NIM1K: variants seen among roughly 807,000 people sequenced by gnomAD.
The protein encoded by NIM1K is NIM1 serine/threonine protein kinase, also known as serine/threonine-protein kinase NIM1.
NIM1K carries 35 observed loss-of-function variants against 37.1 expected under a neutral mutation model. The ratio of observed to expected loss-of-function variants is 0.94; its 90% CI spans 0.72 to 1.25. The LOEUF is 1.25. Among genes scored for constraint, NIM1K ranks in the 50% most tolerant of loss-of-function variants. NIM1K has a pLI of 0.00. For missense variants in NIM1K, 564 were observed against 548.0 expected (o/e 1.03, Z -0.29); for synonymous variants, 234 against 206.6 (o/e 1.13, Z -1.14).
In NIM1K at chr5:43,280,408, C is replaced by T. The variant is rs1753423069; in HGVS notation, c.990C>T (p.Tyr330=). The T allele has an allele frequency of 6.2e-7, 1 of 1,614,044 alleles. No individual in the cohort carries two copies. The highest frequency in any genetic ancestry group is 1.3e-5 in the African/African-American group (1 of 74,918). ...ATGAATGGATGCAAGGGGTGCCATA[C>T]CCTACACCTTTGGAACCTTTCCAAC... is the stretch of plus-strand genomic sequence containing the variant. ...MNDEWMQGVP[Y]PTPLEPFQLD... is the part of the protein sequence containing the mutation. The change falls in exon 4 of 4, where the codon TAC becomes TAT. Residue 330 remains tyrosine (Y), a synonymous_variant. Coordinates refer to ENST00000326035, the MANE Select transcript of NIM1K (RefSeq NM_153361.4).
intron 1 of NIM1K, among the ~76,000 whole-genome samples, chr5:43,241,654 A>T (rs1206362539): frequency 6.6e-6 from 1 of 151,930 alleles, no homozygotes; most frequent in Non-Finnish European, 1.5e-5. Flanking sequence ...TGGTATTTTT[A>T]AAATCAATTT....
chr5:43,204,321 T>G (rs1367700048), intron 1 of NIM1K, among the ~76,000 whole-genome samples: 3 of 150,664 alleles, frequency 2.0e-5, no homozygotes, highest in Non-Finnish European at 4.4e-5. Context: ...TGACCTCAAG[T>G]GATTCGCCCA....
At chr5:43,226,235 T>C (rs1180260252) in intron 1 of NIM1K, among the ~76,000 whole-genome samples, 1 of 152,204 alleles carries the variant, frequency 6.6e-6, no homozygotes, top group Non-Finnish European at 1.5e-5. Context: ...GGGTTTTGAG[T>C]AGAGAAGTGA....
In NIM1K at chr5:43,245,714, C is replaced by A; in HGVS notation, c.-62C>A. 6.7e-7 allele frequency: 1 copy of A among 1,486,568 alleles called. No individual in the cohort carries two copies. The highest frequency in any genetic ancestry group is 9.1e-7 in the Non-Finnish European group (1 of 1,103,392). 92.1% of individuals were successfully genotyped at this position (1,486,568 alleles called of 1,614,324 possible). On this transcript the variant is annotated 5_prime_UTR_variant, in exon 2 of 4. Coordinates refer to ENST00000326035, the MANE Select transcript of NIM1K (RefSeq NM_153361.4). Reference sequence around the variant, plus strand: ...CAGTTGGCATCTCCCACCCTCTGAGCCTCTTCTGCTCCTGCACAACCTGCC... The same window carrying A: ...CAGTTGGCATCTCCCACCCTCTGAGACTCTTCTGCTCCTGCACAACCTGCC...
chr5:43,276,138 C>T (rs889325337), intron 2 of NIM1K, among the ~76,000 whole-genome samples: 1 of 152,126 alleles, frequency 6.6e-6, no homozygotes, highest in Non-Finnish European at 1.5e-5. Context: ...CGTGATCCTC[C>T]CGCCTTGGCC....
At chr5:43,272,642 T>C (rs1753274564) in intron 2 of NIM1K, among the ~76,000 whole-genome samples, 1 of 152,228 alleles carries the variant, frequency 6.6e-6, no homozygotes, top group Admixed American at 6.5e-5. Flanking sequence ...CAAAACTATC[T>C]TCCTAGGTTT....
intron 2 of NIM1K, among the ~76,000 whole-genome samples, chr5:43,266,755 C>G (rs113025678): frequency 2.6e-5 from 4 of 152,184 alleles, no homozygotes; most frequent in South Asian, 2.1e-4. Flanking sequence ...GAACCTCCCC[C>G]CTGACTTGCG....
rs10555794 is a variant in NIM1K, at chr5:43,225,260, CAAAAAAAAAAAAAAAAAA to C, written c.-694-19809_-694-19792del. ...GGGCAACAGAAAGAGACCCTCTTTCCAAAAAAAAAAAAAAAAAAAAAAAAAAAAAAGATAACTACATAG... is the reference window on the plus strand; with the variant it reads ...GGGCAACAGAAAGAGACCCTCTTTCCAAAAAAAAAAAAGATAACTACATAG... On this transcript the variant is annotated intron_variant, in intron 1 of 3. Transcript: ENST00000326035. Among the ~76,000 whole-genome samples, 6 of 72,712 alleles carry C rather than the reference CAAAAAAAAAAAAAAAAAA, an allele frequency of 8.3e-5. No individual in the cohort carries two copies. In the East Asian group the frequency reaches 1.4e-3, roughly 17 times the overall value. 47.7% of individuals were successfully genotyped at this position (72,712 alleles called of 152,430 possible).
intron 1 of NIM1K, among the ~76,000 whole-genome samples, chr5:43,212,535 T>TGGGGCTCAGGAGAGG (rs1200612659): frequency 1.1e-4 from 17 of 152,136 alleles, no homozygotes; most frequent in Admixed American, 1.1e-3. Context: ...GAAGCAACCC[T>TGGGGCTCAGGAGAGG]GGGGCTCAGG....
intron 2 of NIM1K, among the ~76,000 whole-genome samples, chr5:43,268,776 A>G (rs1753208157): frequency 6.6e-6 from 1 of 152,104 alleles, no homozygotes; most frequent in South Asian, 2.1e-4. Flanking sequence ...GGGAAAGATT[A>G]TTATCATTTA....
chr5:43,269,587 TTGTGTG>T (rs35069343), intron 2 of NIM1K, among the ~76,000 whole-genome samples: 1 of 150,954 alleles, frequency 6.6e-6, no homozygotes, highest in Non-Finnish European at 1.5e-5. Flanking sequence ...CTGGATCCTT[TTGTGTG>T]TGTGTGTGTG....
intron 1 of NIM1K, among the ~76,000 whole-genome samples, chr5:43,236,525 G>T (rs1752623988): frequency 6.6e-6 from 1 of 152,210 alleles, no homozygotes; most frequent in Non-Finnish European, 1.5e-5. Context: ...TTCTTTTCAA[G>T]AATTATAAGA....
chr5:43,236,178 A>C (rs1415479636), intron 1 of NIM1K, among the ~76,000 whole-genome samples: 1 of 152,108 alleles, frequency 6.6e-6, no homozygotes, highest in Non-Finnish European at 1.5e-5. Context: ...AGGTGGGAGA[A>C]ACACCTGAGC....
chr5:43,272,163 G>A (rs1287907990), intron 2 of NIM1K, among the ~76,000 whole-genome samples: 1 of 152,158 alleles, frequency 6.6e-6, no homozygotes, highest in East Asian at 1.9e-4. Context: ...GACAAAGGAA[G>A]CCAATCAAAA....
intron 1 of NIM1K, among the ~76,000 whole-genome samples, chr5:43,206,468 C>T (rs1224382952): frequency 7.0e-6 from 1 of 143,628 alleles, no homozygotes; most frequent in African/African-American, 2.6e-5. Context: ...CCGCTGCACT[C>T]CAGCATGGGT....
chr5:43,268,052 AG>A (rs1281577674), intron 2 of NIM1K, among the ~76,000 whole-genome samples: 11 of 152,144 alleles, frequency 7.2e-5, no homozygotes, highest in African/African-American at 2.7e-4. Context: ...GGGGTGTTGA[AG>A]TATCCCACTA....
rs369628126 is a variant in NIM1K, at chr5:43,223,008, G to A, written c.-694-22074G>A. 1.4e-4 allele frequency among the ~76,000 whole-genome samples: 21 copies of A among 152,014 alleles called. No individual in the cohort carries two copies. The East Asian group carries it at 2.3e-3, about 17-fold the overall frequency. On this transcript the variant is annotated intron_variant, in intron 1 of 3. Transcript: ENST00000326035. The stretch of plus-strand genomic sequence containing the variant: ...ACAAAAATTAGCCTGGCGTGGTGGT[G>A]CATGCCTGTAATCCCAGCTACTCCG...
At chr5:43,275,758 G>T (rs932902366) in intron 2 of NIM1K, among the ~76,000 whole-genome samples, 2 of 152,104 alleles carry the variant, frequency 1.3e-5, no homozygotes, top group Non-Finnish European at 2.9e-5. Context: ...TGAACATCAT[G>T]TTCATCCTAG....
chr5:43,226,527 G>A (rs149437126), intron 1 of NIM1K, among the ~76,000 whole-genome samples: 2 of 152,348 alleles, frequency 1.3e-5, no homozygotes, highest in African/African-American at 4.8e-5. Context: ...GGGGAAAACC[G>A]TGAGAGGAAC....
Sources: gnomAD v4.1 joint callset for allele counts (sites outside exome capture counted in the v4.1 genomes callset) on GRCh38, gnomAD v4.1.1 for gene constraint, MANE v1.5 for transcripts, NCBI Gene and HGNC (gene_info 2026-07-23, HGNC 2026-07-21) for gene names.